The following NPAS2 variants were observed in gnomAD, a reference collection of about 807,000 sequenced individuals.
NPAS2 encodes the protein neuronal PAS domain protein 2.
Under a neutral mutation model 107.5 loss-of-function variants are expected in NPAS2, and 23 were observed. That is an observed-to-expected ratio of 0.21 (90% CI 0.15 to 0.30). The LOEUF (loss-of-function observed/expected upper bound fraction) is 0.30. Among genes scored for constraint, NPAS2 ranks in the 10% least tolerant of loss-of-function variants. NPAS2 has a pLI of 1.00. For missense variants in NPAS2, 756 were observed against 1,043.3 expected, an observed-to-expected ratio of 0.72 and a Z score of 3.79; for synonymous variants, 403 against 417.5, an observed-to-expected ratio of 0.97 and a Z score of 0.42.
At chr2:100,821,064 T>A in intron 1 of NPAS2, 1 of 1,304,146 alleles carries the variant, frequency 7.7e-7, no homozygotes, top group Non-Finnish European at 1.0e-6. Context: ...TGTGCCCCTT[T>A]CCCAGCCGAG....
chr2:100,873,291 TATATATATATATATATACAC>T (rs1186768429), intron 1 of NPAS2, among the ~76,000 whole-genome samples: 64 of 40,974 alleles, frequency 1.6e-3, no homozygotes, highest in African/African-American at 3.5e-3. Flanking sequence ...TATATATATA[TATATATATATATATATACAC>T]ACACACACAC....
chr2:100,897,860 C>T (rs1681513539), intron 1 of NPAS2, among the ~76,000 whole-genome samples: 1 of 152,210 alleles, frequency 6.6e-6, no homozygotes, highest in South Asian at 2.1e-4. Context: ...CCCCCTTGCC[C>T]AGGCACTCAG....
At chr2:100,910,234 CCTAA>C (rs1364976557) in intron 2 of NPAS2, among the ~76,000 whole-genome samples, 8 of 152,156 alleles carry the variant, frequency 5.3e-5, no homozygotes, top group Non-Finnish European at 1.0e-4. Flanking sequence ...GTGACAAGTT[CCTAA>C]CTATCATGTT....
intron 2 of NPAS2, among the ~76,000 whole-genome samples, chr2:100,923,983 C>T (rs1011543799): frequency 1.3e-5 from 2 of 152,196 alleles, no homozygotes; most frequent in Non-Finnish European, 2.9e-5. Context: ...CTCAGAGGTG[C>T]TTGGGTGGCT....
chr2:100,853,382 G>T (rs1678338112), intron 1 of NPAS2, among the ~76,000 whole-genome samples: 1 of 152,176 alleles, frequency 6.6e-6, no homozygotes, highest in African/African-American at 2.4e-5. Context: ...GCCAGATTGG[G>T]CTCTATTTCC....
chr2:100,966,105 A>G (rs973707509), intron 10 of NPAS2, among the ~76,000 whole-genome samples: 1 of 152,116 alleles, frequency 6.6e-6, no homozygotes, highest in African/African-American at 2.4e-5. Context: ...CCGAATTCTC[A>G]TAACTGTTCT....
At chr2:100,927,005 C>G (rs1327689259) in intron 3 of NPAS2, among the ~76,000 whole-genome samples, 2 of 141,428 alleles carry the variant, frequency 1.4e-5, no homozygotes, top group Admixed American at 7.6e-5. Flanking sequence ...GCGGCGTGAT[C>G]TAGGCTCACT....
intron 5 of NPAS2, among the ~76,000 whole-genome samples, chr2:100,945,699 G>A (rs1674852470): frequency 2.0e-5 from 3 of 152,080 alleles, no homozygotes; most frequent in Admixed American, 6.5e-5. Context: ...TGCTGTCAGG[G>A]TACCCACCTT....
intron 1 of NPAS2, among the ~76,000 whole-genome samples, chr2:100,875,911 T>C (rs1175608677): frequency 6.6e-6 from 1 of 152,132 alleles, no homozygotes; most frequent in African/African-American, 2.4e-5. Context: ...CACGTGATAT[T>C]AGCACAGAAG....
At chr2:100,960,552 A>G (rs1199879850) in intron 7 of NPAS2, among the ~76,000 whole-genome samples, 2 of 152,054 alleles carry the variant, frequency 1.3e-5, no homozygotes, top group African/African-American at 4.8e-5. Context: ...TGATTGCCGT[A>G]TGCTGATTTG....
At chr2:100,851,914 G>T (rs1678200019) in intron 1 of NPAS2, among the ~76,000 whole-genome samples, 1 of 152,174 alleles carries the variant, frequency 6.6e-6, no homozygotes, top group African/African-American at 2.4e-5. Context: ...ATGATCTTTA[G>T]TGAAGGAAAA....
In NPAS2 at chr2:100,820,943, C is replaced by T. The variant is rs1182295252; in HGVS notation, c.-23+529C>T. 3.5e-6 allele frequency: 3 copies of T among 860,738 alleles called. No individual in the cohort carries two copies. The highest frequency in any genetic ancestry group is 4.8e-6 in the Non-Finnish European group (3 of 619,184). The allele number at this position is 860,738 out of a possible 1,614,324, so 53.3% of individuals were successfully genotyped here. ...TTGGGTGCGGAATCGGTGCCCCCAA[C>T]CCCCGTGTGCGCAGACAGCGTGCAG... On this transcript the variant is annotated intron_variant, in intron 1 of 20. Transcript: ENST00000335681. The surrounding 1 kb of genome is among the most constrained non-coding windows in gnomAD (Gnocchi z 5.6).
intron 1 of NPAS2, chr2:100,821,159 C>G: frequency 1.5e-6 from 2 of 1,304,748 alleles, no homozygotes; most frequent in Non-Finnish European, 1.0e-6. Context: ...AAATTCAGAA[C>G]CAGTCCCGCT....
chr2:100,848,536 A>G (rs1677935494), intron 1 of NPAS2, among the ~76,000 whole-genome samples: 1 of 152,202 alleles, frequency 6.6e-6, no homozygotes, highest in South Asian at 2.1e-4. Flanking sequence ...TTGGCATGAA[A>G]TGGTCACTTC....
chr2:100,821,464 A>G (rs1323830425), intron 1 of NPAS2, among the ~76,000 whole-genome samples: 2 of 152,254 alleles, frequency 1.3e-5, no homozygotes, highest in East Asian at 1.9e-4. Flanking sequence ...CTGTTTTCCT[A>G]CAGGTAAAAC....
At chr2:100,873,303 TATATACACACACAC>T (rs1213342148) in intron 1 of NPAS2, among the ~76,000 whole-genome samples, 36 of 45,974 alleles carry the variant, frequency 7.8e-4, no homozygotes, top group East Asian at 1.9e-3. Flanking sequence ...TATATATATA[TATATACACACACAC>T]ACACACACAC....
intron 1 of NPAS2, among the ~76,000 whole-genome samples, chr2:100,874,271 G>A (rs998865877): frequency 9.9e-5 from 15 of 152,000 alleles, no homozygotes; most frequent in Non-Finnish European, 1.5e-5. Flanking sequence ...ACTCTTAATT[G>A]TTGAGCAAGT....
chr2:100,841,315 A>G (rs1053620922), intron 1 of NPAS2, among the ~76,000 whole-genome samples: 35 of 152,124 alleles, frequency 2.3e-4, no homozygotes, highest in African/African-American at 7.5e-4. Flanking sequence ...GCAGGCGCCT[A>G]TAATCCCAGC....
At chr2:100,859,064 A>AGAC (rs1263911389) in intron 1 of NPAS2, among the ~76,000 whole-genome samples, 3 of 152,234 alleles carry the variant, frequency 2.0e-5, no homozygotes, top group Admixed American at 6.5e-5. Context: ...CAGGAGTTCA[A>AGAC]GACCAGCCTG....
Sources: gnomAD v4.1 joint callset for allele counts (sites outside exome capture counted in the v4.1 genomes callset) on GRCh38, gnomAD v4.1.1 for gene constraint, Gnocchi (gnomAD v3.1) non-coding constraint, MANE v1.5 for transcripts, NCBI Gene and HGNC (gene_info 2026-07-23, HGNC 2026-07-21) for gene names.